PLSCR2: variants seen among roughly 807,000 people sequenced by gnomAD.
The protein encoded by PLSCR2 is PL scramblase 2.
In PLSCR2, 18 loss-of-function variants were observed where a neutral mutation model predicts 25.3. The observed-to-expected ratio is 0.71, with a 90% confidence interval of 0.49 to 1.06. The LOEUF is 1.06. Ranked by LOEUF, PLSCR2 falls within the 50% of genes least tolerant of loss-of-function variation. The pLI, the probability that PLSCR2 is intolerant of heterozygous loss-of-function variation, is 0.00. For missense variants in PLSCR2, 243 were observed against 269.5 expected, an observed-to-expected ratio of 0.90 and a Z score of 0.69; for synonymous variants, 88 against 87.3, an observed-to-expected ratio of 1.01 and a Z score of -0.04.
chr3:146,398,530 G>T (rs959648616), intron 2 of PLSCR2: 31 of 151,020 alleles, frequency 2.1e-4, no homozygotes, highest in African/African-American at 7.5e-4. Flanking sequence ...TTTTTAAAAA[G>T]CAAATAGTTA....
intron 2 of PLSCR2, 82 bp from the exon 3 acceptor site, chr3:146,458,535 T>C (rs2108393844): frequency 1.0e-6 from 1 of 987,234 alleles, no homozygotes; most frequent in Middle Eastern, 3.4e-4. Flanking sequence ...TATTTAATAC[T>C]GCATATAATC....
chr3:146,424,557 T>C (rs2039271496), intron 2 of PLSCR2, among the ~76,000 whole-genome samples: 2 of 152,140 alleles, frequency 1.3e-5, no homozygotes, highest in Non-Finnish European at 2.9e-5. Context: ...AAAATCCTAA[T>C]ATAAATCTTG....
At chr3:146,429,241 G>A (rs2039460686), downstream of PLSCR2, among the ~76,000 whole-genome samples, 1 of 152,198 alleles carries the variant, frequency 6.6e-6, no homozygotes, top group South Asian at 2.1e-4. Context: ...ACATGGAAAA[G>A]GAGAGGGCAA....
chr3:146,405,712 T>C (rs955445028), intron 2 of PLSCR2, among the ~76,000 whole-genome samples: 2 of 152,168 alleles, frequency 1.3e-5, no homozygotes, highest in African/African-American at 4.8e-5. Context: ...GCCTAAAAAT[T>C]AGACTTAATG....
downstream of PLSCR2, among the ~76,000 whole-genome samples, chr3:146,438,470 C>A (rs1195807803): frequency 1.3e-5 from 2 of 152,154 alleles, no homozygotes; most frequent in African/African-American, 2.4e-5. Context: ...GTATTGGATG[C>A]ATATATATTT....
chr3:146,402,093 C>T (rs1374127126), intron 2 of PLSCR2, among the ~76,000 whole-genome samples: 1 of 151,870 alleles, frequency 6.6e-6, no homozygotes, highest in African/African-American at 2.4e-5. Flanking sequence ...AACCCTAAAA[C>T]TTAAAAAAGT....
intron 2 of PLSCR2, among the ~76,000 whole-genome samples, chr3:146,410,807 G>A (rs774145744): frequency 6.6e-6 from 1 of 152,202 alleles, no homozygotes; most frequent in African/African-American, 2.4e-5. Context: ...ACAAGGGGAA[G>A]GGGTCCCATG....
At chr3:146,405,234 A>G (rs1166665041) in intron 2 of PLSCR2, among the ~76,000 whole-genome samples, 1 of 152,244 alleles carries the variant, frequency 6.6e-6, no homozygotes, top group South Asian at 2.1e-4. Context: ...GTTACAGGAA[A>G]GTAAACAGTT....
At chr3:146,398,328 T>C (rs926605310) in intron 2 of PLSCR2, among the ~76,000 whole-genome samples, 1 of 151,774 alleles carries the variant, frequency 6.6e-6, no homozygotes, top group Non-Finnish European at 1.5e-5. Context: ...TTAATGAACA[T>C]TAATATAACA....
At chr3:146,437,665 TCTTC>T (rs2039962113), downstream of PLSCR2, among the ~76,000 whole-genome samples, 3 of 152,152 alleles carry the variant, frequency 2.0e-5, no homozygotes, top group South Asian at 6.2e-4. Flanking sequence ...TTCTCTCTTT[TCTTC>T]TTTATTAGTC....
At chr3:146,457,143 A>T (rs1457045767) in intron 3 of PLSCR2, among the ~76,000 whole-genome samples, 1 of 152,184 alleles carries the variant, frequency 6.6e-6, no homozygotes, top group Admixed American at 6.5e-5. Context: ...TGTAATAGGT[A>T]ACAATTGTAT....
intron 2 of PLSCR2, among the ~76,000 whole-genome samples, chr3:146,419,716 T>C (rs2039087799): frequency 6.6e-6 from 1 of 152,068 alleles, no homozygotes; most frequent in African/African-American, 2.4e-5. Context: ...GCTGCCTGTA[T>C]CCCTTGGTTT....
At chr3:146,441,098 T>C (rs7635727), downstream of PLSCR2, among the ~76,000 whole-genome samples, 1,854 of 152,248 alleles carry the variant, frequency 0.012, 35 homozygotes, top group African/African-American at 0.043. Context: ...ATTGCTAATT[T>C]ATCATGTAGT....
At chr3:146,484,476 G>A (rs1054396985) in intron 1 of PLSCR2, among the ~76,000 whole-genome samples, 10 of 152,008 alleles carry the variant, frequency 6.6e-5, no homozygotes, top group Admixed American at 6.6e-4. Context: ...TCAACTCCAA[G>A]ACAAATAATC....
chr3:146,486,071 A>T (rs1360791469), intron 1 of PLSCR2, among the ~76,000 whole-genome samples: 1 of 151,800 alleles, frequency 6.6e-6, no homozygotes, highest in Non-Finnish European at 1.5e-5. Flanking sequence ...AAACTGTATC[A>T]GTAAATAATG....
intron 3 of PLSCR2, among the ~76,000 whole-genome samples, chr3:146,457,445 A>G (rs1427284614): frequency 6.6e-6 from 1 of 152,240 alleles, no homozygotes; most frequent in Non-Finnish European, 1.5e-5. Context: ...TGGTGGCATC[A>G]GGAACATTCA....
chr3:146,478,032 A>C (rs2108518242), intron 1 of PLSCR2, among the ~76,000 whole-genome samples: 1 of 152,356 alleles, frequency 6.6e-6, no homozygotes, highest in Non-Finnish European at 1.5e-5. Flanking sequence ...TGTTAGAAGG[A>C]AAACTAACAA....
chr3:146,471,882 CT>C (rs2042132309), intron 1 of PLSCR2, among the ~76,000 whole-genome samples: 1 of 152,186 alleles, frequency 6.6e-6, no homozygotes, highest in Non-Finnish European at 1.5e-5. Context: ...ATTCTTTTGC[CT>C]ACTGTGTCTC....
At chr3:146,410,252 C>T (rs1447402656) in intron 2 of PLSCR2, among the ~76,000 whole-genome samples, 1 of 152,058 alleles carries the variant, frequency 6.6e-6, no homozygotes, top group South Asian at 2.1e-4. Flanking sequence ...CACGGAGGAA[C>T]AGAGTAGGAA....
Sources: gnomAD v4.1 joint callset for allele counts (sites outside exome capture counted in the v4.1 genomes callset) on GRCh38, gnomAD v4.1.1 for gene constraint, MANE v1.5 for transcripts, NCBI Gene and HGNC (gene_info 2026-07-23, HGNC 2026-07-21) for gene names.